TBC1D22A: variants seen among roughly 807,000 people sequenced by gnomAD.
TBC1D22A encodes the protein putative GTPase activator.
Under a neutral mutation model 60.2 loss-of-function variants are expected in TBC1D22A, and 38 were observed. That is an observed-to-expected ratio of 0.63 (90% confidence interval 0.49 to 0.83). The LOEUF is 0.83. Ranked by LOEUF, TBC1D22A falls within the 40% of genes least tolerant of loss-of-function variation. TBC1D22A has a pLI of 0.00. For missense variants in TBC1D22A, 628 were observed against 701.0 expected (o/e 0.90, Z 1.18); for synonymous variants, 302 against 281.7 (o/e 1.07, Z -0.72).
chr22:47,150,122 T>C (rs1404552479), intron 12 of TBC1D22A, among the ~76,000 whole-genome samples: 2 of 151,974 alleles, frequency 1.3e-5, no homozygotes, highest in African/African-American at 4.8e-5. Context: ...TTAGAGTCCA[T>C]GAGGAAAGGA....
At chr22:47,094,974 CTA>C (rs2147637268) in intron 11 of TBC1D22A, among the ~76,000 whole-genome samples, 1 of 152,330 alleles carries the variant, frequency 6.6e-6, no homozygotes, top group South Asian at 2.1e-4. Flanking sequence ...TGGCATAGAG[CTA>C]ATGGATGAGT....
At chr22:47,109,890 G>A (rs538535455) in intron 11 of TBC1D22A, among the ~76,000 whole-genome samples, 124 of 152,130 alleles carry the variant, frequency 8.2e-4, no homozygotes, top group African/African-American at 2.9e-3. Flanking sequence ...TCTGATGACC[G>A]TGGTCCCCTA....
chr22:46,938,233 T>C (rs535572298), intron 8 of TBC1D22A, among the ~76,000 whole-genome samples: 9 of 152,322 alleles, frequency 5.9e-5, no homozygotes, highest in African/African-American at 2.2e-4. Context: ...ACTTTATCTG[T>C]AGTGTACCTT....
chr22:46,871,342 G>A (rs980496121), intron 4 of TBC1D22A, among the ~76,000 whole-genome samples: 4 of 152,194 alleles, frequency 2.6e-5, no homozygotes, highest in African/African-American at 9.6e-5. Flanking sequence ...TAGAAGATTA[G>A]AATAACATTA....
At chr22:47,070,198 C>T (rs533269436) in intron 11 of TBC1D22A, among the ~76,000 whole-genome samples, 20 of 139,214 alleles carry the variant, frequency 1.4e-4, no homozygotes, top group Admixed American at 1.4e-4. Context: ...TTTGGTTGGA[C>T]GCTGTCCCCT....
At chr22:47,073,691 A>G (rs1176690562) in intron 11 of TBC1D22A, among the ~76,000 whole-genome samples, 2 of 152,236 alleles carry the variant, frequency 1.3e-5, no homozygotes, top group Admixed American at 1.3e-4. Flanking sequence ...GCAGGGAGGA[A>G]AACAGATTTA....
rs890571079 is a variant in TBC1D22A at position 47,009,362 on chromosome 22, C to G, written c.1201+11653C>G. 6.6e-6 allele frequency among the ~76,000 whole-genome samples: 1 copy of G among 151,440 alleles called. No homozygotes were observed. The highest frequency in any genetic ancestry group is 2.4e-5 in the African/African-American group (1 of 41,058). On this transcript the variant is annotated intron_variant, in intron 10 of 12. Coordinates refer to ENST00000337137, the MANE Select transcript of TBC1D22A (RefSeq NM_014346.5). The surrounding 1 kb of genome is among the most constrained non-coding windows in gnomAD (Gnocchi z 5.8). ...ATGTCATCACCACCATCATCATCAC[C>G]ATCACCATCATCATTTCATCACCAT...
intron 8 of TBC1D22A, chr22:46,913,242 T>C: frequency 2.2e-6 from 2 of 917,574 alleles, no homozygotes. Flanking sequence ...CTTTACTGTT[T>C]AGTCACAGCA....
At chr22:46,804,124 C>T (rs144840690) in intron 4 of TBC1D22A, among the ~76,000 whole-genome samples, 103 of 152,354 alleles carry the variant, frequency 6.8e-4, no homozygotes, top group African/African-American at 2.4e-3. Flanking sequence ...CTTTCCCAAC[C>T]GTGTGACTCT....
At chr22:47,130,252 A>G (rs1258001414) in intron 12 of TBC1D22A, among the ~76,000 whole-genome samples, 2 of 152,180 alleles carry the variant, frequency 1.3e-5, no homozygotes, top group Non-Finnish European at 2.9e-5. Flanking sequence ...CAGGCAGAGC[A>G]GGTGCTGTAC....
At chr22:46,924,762 C>T (rs2070954558) in intron 8 of TBC1D22A, among the ~76,000 whole-genome samples, 1 of 150,474 alleles carries the variant, frequency 6.6e-6, no homozygotes, top group Admixed American at 6.6e-5. Context: ...AAAACAAAAA[C>T]AAAAACATTA....
intron 7 of TBC1D22A, among the ~76,000 whole-genome samples, chr22:46,897,635 G>GTTTTTTTTTTTTTTTTTTTT (rs1602366020): frequency 8.0e-6 from 1 of 125,488 alleles, no homozygotes; most frequent in African/African-American, 3.6e-5. Context: ...GTTTTGTTTC[G>GTTTTTTTTTTTTTTTTTTTT]TTTTGTTTTT....
Position 47,159,261 on chromosome 22 carries a change from GACA to G in TBC1D22A, c.1426-14233_1426-14231del, listed in dbSNP as rs1435573921. On this transcript the variant is annotated intron_variant, in intron 12 of 12. Coordinates refer to ENST00000337137, the MANE Select transcript of TBC1D22A (RefSeq NM_014346.5). ...ACAAAATATACCATGTATGCACGCA[GACA>G]ACACACACCATGTATACACACACTA... Among the ~76,000 whole-genome samples the G allele has an allele frequency of 4.4e-5, 6 of 135,688 alleles. No homozygotes were observed. The South Asian group carries it at 9.3e-4, about 21-fold the overall frequency. 89.0% of individuals were successfully genotyped at this position (135,688 alleles called of 152,430 possible).
chr22:47,059,309 G>A (rs753928932), intron 11 of TBC1D22A, among the ~76,000 whole-genome samples: 9 of 152,236 alleles, frequency 5.9e-5, no homozygotes, highest in Admixed American at 2.0e-4. Flanking sequence ...CTTTCTTGAC[G>A]CTGTAAGAGA....
At chr22:46,982,788 T>TG (rs1413950603) in intron 9 of TBC1D22A, among the ~76,000 whole-genome samples, 1 of 152,128 alleles carries the variant, frequency 6.6e-6, no homozygotes, top group Non-Finnish European at 1.5e-5. Flanking sequence ...GGACAGGCAT[T>TG]GGCGGGCAGG....
At chr22:46,940,156 A>G (rs756470856) in intron 8 of TBC1D22A, among the ~76,000 whole-genome samples, 1 of 152,228 alleles carries the variant, frequency 6.6e-6, no homozygotes, top group Non-Finnish European at 1.5e-5. Flanking sequence ...CATACATACC[A>G]TAATTTAAAA....
chr22:47,135,427 A>C (rs980068648), intron 12 of TBC1D22A, among the ~76,000 whole-genome samples: 10 of 152,200 alleles, frequency 6.6e-5, no homozygotes, highest in African/African-American at 2.4e-4. Flanking sequence ...CCAGAAAATA[A>C]GCACAAGCAC....
At chr22:47,082,130 C>G (rs1603247267) in intron 11 of TBC1D22A, among the ~76,000 whole-genome samples, 2 of 152,088 alleles carry the variant, frequency 1.3e-5, no homozygotes, top group African/African-American at 4.8e-5. Context: ...TGCACTCCAG[C>G]CTGGGCGACA....
intron 7 of TBC1D22A, among the ~76,000 whole-genome samples, chr22:46,901,717 G>GCC (rs2069009847): frequency 6.7e-6 from 1 of 149,556 alleles, no homozygotes; most frequent in East Asian, 2.0e-4. Flanking sequence ...ATGGGGGGGG[G>GCC]ATGTTCCTTG....
Sources: allele counts gnomAD v4.1 joint callset (sites outside exome capture counted in the v4.1 genomes callset), GRCh38; gene constraint gnomAD v4.1.1; non-coding constraint Gnocchi (gnomAD v3.1); transcripts MANE v1.5; gene names NCBI Gene and HGNC (gene_info 2026-07-23, HGNC 2026-07-21).